The following THSD7B variants were observed in gnomAD, a reference collection of about 807,000 sequenced individuals.
The protein encoded by THSD7B is thrombospondin type 1 domain containing 7B.
In THSD7B, 138 loss-of-function variants were observed where a neutral mutation model predicts 213.6. The observed-to-expected ratio is 0.65, with a 90% confidence interval of 0.56 to 0.74. The LOEUF is 0.74. Ranked by LOEUF, THSD7B falls within the 30% of genes least tolerant of loss-of-function variation. THSD7B has a pLI of 0.00. For missense variants in THSD7B, 1,931 were observed against 1,991.5 expected, an observed-to-expected ratio of 0.97 and a Z score of 0.58; for synonymous variants, 742 against 687.0, an observed-to-expected ratio of 1.08 and a Z score of -1.25.
chr2:137,641,737 T>G (rs1489783839), intron 20 of THSD7B, among the ~76,000 whole-genome samples: 2 of 152,218 alleles, frequency 1.3e-5, no homozygotes. Flanking sequence ...TCTGAGCGAT[T>G]TTTACTAATC....
At chr2:136,875,376 C>T (rs1181962729) in intron 1 of THSD7B, among the ~76,000 whole-genome samples, 2 of 152,128 alleles carry the variant, frequency 1.3e-5, no homozygotes, top group Non-Finnish European at 2.9e-5. Context: ...GAGCCGAGAT[C>T]GTGCCACTGC....
intron 1 of THSD7B, among the ~76,000 whole-genome samples, chr2:136,802,644 T>TATATAC (rs1227771278): frequency 7.4e-5 from 5 of 67,306 alleles, no homozygotes; most frequent in South Asian, 6.0e-4. Flanking sequence ...TAAGTTTATA[T>TATATAC]ATATATATAT....
rs554528143 is a variant in THSD7B, at chr2:137,278,384, A to G, written c.2500+2358A>G. On this transcript the variant is annotated intron_variant, in intron 12 of 27. Coordinates refer to ENST00000409968, the MANE Select transcript of THSD7B (RefSeq NM_001316349.2). The stretch of plus-strand genomic sequence containing the variant: ...GCACTGGAAAGTGGAAGGAAATAGA[A>G]CAATATCTTCTAAATGTGGAATGAG... Among the ~76,000 whole-genome samples the G allele has an allele frequency of 5.3e-5, 8 of 152,252 alleles. No homozygotes were observed. In the South Asian group the frequency reaches 1.7e-3, roughly 32 times the overall value.
chr2:136,953,760 A>G (rs1685078739), intron 2 of THSD7B, among the ~76,000 whole-genome samples: 1 of 152,208 alleles, frequency 6.6e-6, no homozygotes, highest in South Asian at 2.1e-4. Flanking sequence ...GGTAAAACAC[A>G]AATAATTCCT....
intron 15 of THSD7B, among the ~76,000 whole-genome samples, chr2:137,535,225 T>C (rs1224837873): frequency 1.3e-5 from 2 of 151,768 alleles, no homozygotes; most frequent in Non-Finnish European, 2.9e-5. Flanking sequence ...TTTCTATCCA[T>C]TCACATTGAC....
chr2:136,896,954 A>ATTT (rs200821299), intron 2 of THSD7B, among the ~76,000 whole-genome samples: 1 of 120,848 alleles, frequency 8.3e-6, no homozygotes, highest in African/African-American at 2.7e-5. Flanking sequence ...ATATATATAT[A>ATTT]TATTTTTTTA....
At chr2:137,399,304 T>G (rs1211135276) in intron 12 of THSD7B, among the ~76,000 whole-genome samples, 1 of 151,380 alleles carries the variant, frequency 6.6e-6, no homozygotes, top group Non-Finnish European at 1.5e-5. Flanking sequence ...GCGATTTTCC[T>G]CCCTCAGCCC....
chr2:136,807,312 T>C (rs1210184204), intron 1 of THSD7B, among the ~76,000 whole-genome samples: 2 of 152,196 alleles, frequency 1.3e-5, no homozygotes, highest in Admixed American at 6.5e-5. Flanking sequence ...TATTCAAATA[T>C]TTATTCATAT....
intron 7 of THSD7B, among the ~76,000 whole-genome samples, chr2:137,214,186 T>C (rs1681181962): frequency 1.3e-5 from 2 of 152,152 alleles, no homozygotes; most frequent in Non-Finnish European, 2.9e-5. Context: ...CTTGTTTTTC[T>C]TTCTGGGAAA....
chr2:137,330,194 G>A (rs1008416910), intron 12 of THSD7B, among the ~76,000 whole-genome samples: 2 of 152,156 alleles, frequency 1.3e-5, no homozygotes, highest in Non-Finnish European at 2.9e-5. Context: ...AGGGGTAGAG[G>A]CCTCGTAAAG....
chr2:136,884,141 A>ATGTAAT (rs1553455338), intron 2 of THSD7B, among the ~76,000 whole-genome samples: 1 of 152,026 alleles, frequency 6.6e-6, no homozygotes, highest in Non-Finnish European at 1.5e-5. Flanking sequence ...GAAGATACAC[A>ATGTAAT]TATAGTTATT....
At chr2:137,242,607 C>A in intron 10 of THSD7B, 35 bp downstream of exon 10, 1 of 1,511,222 alleles carries the variant, frequency 6.6e-7, no homozygotes, top group Non-Finnish European at 9.2e-7. Flanking sequence ...TCTTTCTTCC[C>A]TAACCTGATT....
intron 1 of THSD7B, among the ~76,000 whole-genome samples, chr2:136,795,946 G>A (rs1418792753): frequency 2.0e-5 from 3 of 151,830 alleles, no homozygotes; most frequent in Non-Finnish European, 4.4e-5. Context: ...TCATATGTGA[G>A]TCTGCTTTTA....
chr2:137,342,446 G>A (rs1393651167), intron 12 of THSD7B, among the ~76,000 whole-genome samples: 1 of 151,338 alleles, frequency 6.6e-6, no homozygotes, highest in Non-Finnish European at 1.5e-5. Context: ...GAAAGATTAT[G>A]TCATTAGCAA....
intron 3 of THSD7B, among the ~76,000 whole-genome samples, chr2:137,061,341 A>G (rs1573796476): frequency 1.3e-5 from 2 of 151,210 alleles, no homozygotes; most frequent in Admixed American, 1.3e-4. Context: ...TTCCAATCTG[A>G]ATATGTTTTC....
Position 136,877,834 on chromosome 2 carries a change from A to G in THSD7B, c.-35-4310A>G, listed in dbSNP as rs80096757. Among the ~76,000 whole-genome samples the G allele has an allele frequency of 3.1e-3, 477 of 151,880 alleles. 1 individual carries two copies. Among genetic ancestry groups the G allele is most frequent in the African/African-American group, 9.8e-3 (404 of 41,388 alleles). Reference sequence around the variant, plus strand: ...CAGGGCAATGTCTTTTCCTGGGGGGAAAAAAAAGAAGGCAAAAACTGTGGG... The same window carrying G: ...CAGGGCAATGTCTTTTCCTGGGGGGGAAAAAAAGAAGGCAAAAACTGTGGG... On this transcript the variant is annotated intron_variant, in intron 1 of 27. Coordinates refer to ENST00000409968, the MANE Select transcript of THSD7B (RefSeq NM_001316349.2).
intron 2 of THSD7B, among the ~76,000 whole-genome samples, chr2:136,885,726 T>C (rs1683706289): frequency 6.6e-6 from 1 of 152,186 alleles, no homozygotes; most frequent in African/African-American, 2.4e-5. Flanking sequence ...TATTGAGTCC[T>C]TACTGTGTGT....
chr2:137,618,535 T>C, intron 19 of THSD7B, 28 bp downstream of exon 19: 2 of 1,597,674 alleles, frequency 1.3e-6, no homozygotes, highest in Non-Finnish European at 1.7e-6. Context: ...ATATCTCACA[T>C]CCAAGGCTTT....
intron 6 of THSD7B, among the ~76,000 whole-genome samples, chr2:137,169,181 A>AAC: frequency 6.6e-6 from 1 of 151,842 alleles, no homozygotes; most frequent in Admixed American, 6.6e-5. Context: ...AAAAAAAAAA[A>AAC]AACTCAAAGC....
Sources: gnomAD v4.1 joint callset for allele counts (sites outside exome capture counted in the v4.1 genomes callset) on GRCh38, gnomAD v4.1.1 for gene constraint, MANE v1.5 for transcripts, NCBI Gene and HGNC (gene_info 2026-07-23, HGNC 2026-07-21) for gene names.